ADGRB3: variants seen among roughly 807,000 people sequenced by gnomAD.
ADGRB3 encodes adhesion G protein-coupled receptor B3.
A neutral mutation model predicts 193.4 loss-of-function variants in ADGRB3; 37 were observed. That is an observed-to-expected ratio of 0.19 (90% CI 0.15 to 0.25). ADGRB3 has a LOEUF of 0.25. Among genes scored for constraint, ADGRB3 ranks in the 10% least tolerant of loss-of-function variants. The pLI, the probability that ADGRB3 is intolerant of heterozygous loss-of-function variation, is 1.00. For missense variants in ADGRB3, 1,637 were observed against 1,852.9 expected (o/e 0.88, Z 2.14); for synonymous variants, 690 against 644.2 (o/e 1.07, Z -1.08).
intron 20 of ADGRB3, among the ~76,000 whole-genome samples, chr6:69,324,670 C>CT (rs368082519): frequency 6.6e-5 from 10 of 151,466 alleles, no homozygotes; most frequent in South Asian, 2.1e-4. Context: ...TGAAATTAGA[C>CT]TTTTTTTTTC....
chr6:68,989,636 T>A (rs146248772), intron 10 of ADGRB3, among the ~76,000 whole-genome samples: 293 of 152,286 alleles, frequency 1.9e-3, no homozygotes, highest in Middle Eastern at 0.01. Flanking sequence ...TACAGATAAA[T>A]GAAATAATCC....
chr6:68,951,703 A>C (rs1269207079), intron 6 of ADGRB3, among the ~76,000 whole-genome samples: 1 of 152,208 alleles, frequency 6.6e-6, no homozygotes, highest in African/African-American at 2.4e-5. Flanking sequence ...TTCAATAGAA[A>C]GACAGTTTCA....
intron 17 of ADGRB3, among the ~76,000 whole-genome samples, chr6:69,108,640 G>A (rs1277790876): frequency 1.3e-5 from 2 of 152,020 alleles, no homozygotes; most frequent in African/African-American, 4.8e-5. Context: ...GAATGATGTG[G>A]AGATCAAAAT....
Position 68,956,301 on chromosome 6 carries a change from A to ATGTGTGTG in ADGRB3, c.1360+133_1360+140dup, listed in dbSNP as rs3831272. 4 of 879,246 alleles carry ATGTGTGTG rather than the reference A, an allele frequency of 4.5e-6. No homozygotes were observed. In the African/African-American group the frequency reaches 5.3e-5, roughly 12 times the overall value. The allele number at this position is 879,246 out of a possible 1,614,324, so 54.5% of individuals were successfully genotyped here. A position where few individuals can be genotyped will look rare whatever the true frequency, so the allele number is the denominator to read the frequency against. ...GAAAGAAGATAATCATTATATATAT[A>ATGTGTGTG]TGTGTGTGTGTGTGTGTGTGTGTGT... On this transcript the variant is annotated intron_variant, in intron 7 of 31. Transcript: ENST00000370598.
At chr6:68,828,524 A>G (rs1403922) in intron 3 of ADGRB3, among the ~76,000 whole-genome samples, 4,626 of 152,216 alleles carry the variant, frequency 0.03, 241 homozygotes, top group African/African-American at 0.1. Context: ...TGTTTAGGGT[A>G]GTGTGTTGAG....
chr6:69,349,304 T>G (rs9363994), intron 26 of ADGRB3, among the ~76,000 whole-genome samples: 1 of 152,210 alleles, frequency 6.6e-6, no homozygotes, highest in African/African-American at 2.4e-5. Flanking sequence ...CAAACTGATA[T>G]AAAAAGTAAT....
chr6:68,867,138 C>G (rs1199581375), intron 3 of ADGRB3, among the ~76,000 whole-genome samples: 1 of 152,190 alleles, frequency 6.6e-6, no homozygotes, highest in African/African-American at 2.4e-5. Flanking sequence ...CTCTTCATGG[C>G]AGCTCTTCCC....
At chr6:68,644,382 A>T (rs940146419) in intron 3 of ADGRB3, among the ~76,000 whole-genome samples, 3 of 152,164 alleles carry the variant, frequency 2.0e-5, no homozygotes, top group African/African-American at 7.2e-5. Context: ...GATAAATAGA[A>T]CTTGCTATGT....
intron 20 of ADGRB3, among the ~76,000 whole-genome samples, chr6:69,311,380 A>G (rs1239158768): frequency 6.6e-6 from 1 of 151,862 alleles, no homozygotes; most frequent in Non-Finnish European, 1.5e-5. Flanking sequence ...CAGAGTTGGA[A>G]GGGAGTCTGT....
intron 3 of ADGRB3, among the ~76,000 whole-genome samples, chr6:68,796,266 C>T: frequency 6.6e-6 from 1 of 152,000 alleles, no homozygotes; most frequent in East Asian, 1.9e-4. Flanking sequence ...ACTTTATCAA[C>T]ATATTTTTTT....
At chr6:69,076,086 G>A in intron 17 of ADGRB3, 48 bp downstream of exon 17, 2 of 1,553,046 alleles carry the variant, frequency 1.3e-6, no homozygotes, top group Non-Finnish European at 8.9e-7. Flanking sequence ...AATTTTCAAA[G>A]CACATTAAGT....
chr6:68,688,530 A>G (rs186647709), intron 3 of ADGRB3, among the ~76,000 whole-genome samples: 28 of 152,254 alleles, frequency 1.8e-4, no homozygotes, highest in Non-Finnish European at 3.4e-4. Context: ...CCACAACTGG[A>G]TCTCAAATTA....
chr6:69,323,922 A>G (rs1768514988), intron 20 of ADGRB3, among the ~76,000 whole-genome samples: 1 of 152,052 alleles, frequency 6.6e-6, no homozygotes, highest in African/African-American at 2.4e-5. Context: ...TTTTTTTACA[A>G]TTTTTAAAAT....
chr6:68,860,606 C>T (rs1173697203), intron 3 of ADGRB3, among the ~76,000 whole-genome samples: 1 of 152,142 alleles, frequency 6.6e-6, no homozygotes, highest in Non-Finnish European at 1.5e-5. Context: ...ATGGTGTATA[C>T]CATATATATA....
chr6:69,172,981 G>A (rs1390218638), intron 17 of ADGRB3, among the ~76,000 whole-genome samples: 3 of 152,222 alleles, frequency 2.0e-5, no homozygotes, highest in Non-Finnish European at 4.4e-5. Flanking sequence ...GCCTGGATCA[G>A]TCAGGGCCCT....
At chr6:69,092,497 A>G (rs536139011) in intron 17 of ADGRB3, among the ~76,000 whole-genome samples, 1 of 152,164 alleles carries the variant, frequency 6.6e-6, no homozygotes, top group African/African-American at 2.4e-5. Flanking sequence ...ACCTCTGCAC[A>G]CAGAAAGTTA....
chr6:68,760,253 A>G (rs1300211129), intron 3 of ADGRB3, among the ~76,000 whole-genome samples: 2 of 152,240 alleles, frequency 1.3e-5, no homozygotes, highest in Admixed American at 1.3e-4. Context: ...AATGACAAAC[A>G]CATACACATA....
intron 16 of ADGRB3, among the ~76,000 whole-genome samples, chr6:69,064,315 ATTTAAC>A (rs938000371): frequency 3.3e-5 from 5 of 151,518 alleles, no homozygotes; most frequent in African/African-American, 4.8e-5. Flanking sequence ...TATTTAAACT[ATTTAAC>A]TTTAAACTAT....
intron 20 of ADGRB3, among the ~76,000 whole-genome samples, chr6:69,263,946 T>C (rs1766980706): frequency 6.6e-6 from 1 of 152,008 alleles, no homozygotes; most frequent in South Asian, 2.1e-4. Context: ...ATATGTTCTA[T>C]ATACATTTAA....
Sources: allele counts gnomAD v4.1 joint callset (sites outside exome capture counted in the v4.1 genomes callset), GRCh38; gene constraint gnomAD v4.1.1; transcripts MANE v1.5; gene names NCBI Gene and HGNC (gene_info 2026-07-23, HGNC 2026-07-21).